Variants in PSAP observed in about 807,000 individuals in gnomAD.
PSAP encodes precursor of saposins.
PSAP carries 25 observed loss-of-function variants against 66.0 expected under a neutral mutation model. The observed-to-expected ratio is 0.38, with a 90% CI of 0.28 to 0.53. The LOEUF is 0.53. Among genes scored for constraint, PSAP ranks in the 20% least tolerant of loss-of-function variants. The pLI, the probability that PSAP is intolerant of heterozygous loss-of-function variation, is 0.83. For missense variants in PSAP, 649 were observed against 668.8 expected (o/e 0.97, Z 0.33); for synonymous variants, 273 against 258.9 (o/e 1.05, Z -0.52).
chr10:71,829,009 C>A lies in PSAP; in HGVS notation c.444G>T (p.Leu148=). The A allele has an allele frequency of 3.1e-6, 5 of 1,614,162 alleles. No homozygotes were observed. The highest frequency in any genetic ancestry group is 4.2e-6 in the Non-Finnish European group (5 of 1,180,028). The change falls in exon 5 of 14, where the codon CTG becomes CTT. Residue 148 remains leucine (L), a synonymous_variant. Coordinates refer to ENST00000394936, the MANE Select transcript of PSAP (RefSeq NM_002778.4). ...CESLQKHLAE[L]NHQKQLESNK... ...TGGACTCCAGCTGCTTCTGGTGATTCAGCTCTGCTAGGTGCTTCTGGAGAG... is the reference window on the plus strand; with the variant it reads ...TGGACTCCAGCTGCTTCTGGTGATTAAGCTCTGCTAGGTGCTTCTGGAGAG...
At position 71,831,162 on chromosome 10, in the gene PSAP, G is replaced by T; in HGVS notation, c.339C>A (p.Tyr113Ter). 1 of 1,614,082 alleles carries T rather than the reference G, an allele frequency of 6.2e-7. No individual in the cohort carries two copies. The highest frequency in any genetic ancestry group is 8.5e-7 in the Non-Finnish European group (1 of 1,179,964). The change falls in exon 4 of 14, where the codon TAC (tyrosine) becomes TAA (stop). Residue 113 changes from tyrosine to a stop codon, truncating the protein, a stop_gained. Transcript: ENST00000394936. LOFTEE classifies it high-confidence loss of function. Reference protein sequence around the residue: ...SASCKEIVDSYLPVILDIIKG... With the variant: ...SASCKEIVDS ...TAATGATGTCCAGGATGACAGGGAGGTAGGAGTCCACTATCTCCTTGCATG... is the reference window on the plus strand; with the variant it reads ...TAATGATGTCCAGGATGACAGGGAGTTAGGAGTCCACTATCTCCTTGCATG...
At chr10:71,841,421 G>T (rs1039074001) in intron 1 of PSAP, among the ~76,000 whole-genome samples, 35 of 152,306 alleles carry the variant, frequency 2.3e-4, no homozygotes, top group African/African-American at 7.7e-4. Context: ...GCTTCCTTCA[G>T]TTAGTACTTT....
chr10:71,821,560 G>C (rs1246602672), intron 8 of PSAP, among the ~76,000 whole-genome samples: 2 of 152,244 alleles, frequency 1.3e-5, no homozygotes, highest in Non-Finnish European at 2.9e-5. Flanking sequence ...GACCCAGACA[G>C]TGCATGTGAG....
chr10:71,831,834 A>G lies in PSAP; in HGVS notation c.249+12T>C. 1 of 1,613,388 alleles carries G rather than the reference A, an allele frequency of 6.2e-7. No individual in the cohort carries two copies. Among genetic ancestry groups the G allele is most frequent in the Non-Finnish European group, 8.5e-7 (1 of 1,179,776 alleles). On this transcript the variant is annotated intron_variant, in intron 3 of 13. Coordinates refer to ENST00000394936, the MANE Select transcript of PSAP (RefSeq NM_002778.4). ...CGTGGCTCAAGCACCATCCCCACTC[A>G]CCGCCGCTCACCTCAGTGGCATTGT...
intron 6 of PSAP, among the ~76,000 whole-genome samples, chr10:71,827,148 G>A (rs1448315562): frequency 1.3e-5 from 2 of 152,098 alleles, no homozygotes; most frequent in Non-Finnish European, 2.9e-5. Context: ...TGTAATCCCA[G>A]CACTTTGGGA....
In PSAP at chr10:71,821,995, T is replaced by C; in HGVS notation, c.790A>G (p.Ile264Val). Residue 264 changes from isoleucine to valine, a missense_variant, in exon 8 of 14, where the codon ATC (isoleucine) becomes GTC (valine). Transcript: ENST00000394936. ...TCACAGAACCCAACCAGCGCACAGA[T>C]CTCCTTGGGTTGCTGAAGAGAGCAC... ...QMMMHMQPKE[I>V]CALVGFCDEV... 1.2e-6 allele frequency: 2 copies of C among 1,613,972 alleles called. No homozygotes were observed. Among genetic ancestry groups the C allele is most frequent in the Non-Finnish European group, 1.7e-6 (2 of 1,179,976 alleles).
chr10:71,831,768 C>T, intron 3 of PSAP, 78 bp downstream of exon 3: 1 of 1,402,390 alleles, frequency 7.1e-7, no homozygotes, highest in Non-Finnish European at 1.0e-6. Context: ...CCTCTTTAGA[C>T]ACCCGGAATC....
At chr10:71,833,018 A>AAAAAAG (rs1267144355) in intron 2 of PSAP, among the ~76,000 whole-genome samples, 1 of 134,712 alleles carries the variant, frequency 7.4e-6, no homozygotes, top group Non-Finnish European at 1.6e-5. Context: ...GTCCATCTCA[A>AAAAAAG]AAAAAAAAAA....
chr10:71,819,774 G>A lies in PSAP; in HGVS notation c.1132C>T (p.Pro378Ser), dbSNP rs1169063655. 3 of 1,613,922 alleles carry A rather than the reference G, an allele frequency of 1.9e-6. No individual in the cohort carries two copies. Among genetic ancestry groups the A allele is most frequent in the Admixed American group, 1.7e-5 (1 of 60,000 alleles). Reference protein sequence around the residue: ...ILSILLEEVSPELVCSMLHLC... With the variant: ...ILSILLEEVSSELVCSMLHLC... ...TGCAGCATGCTGCACACCAGCTCAGGGCTGACCTCCTCCAGCAGGATGGAC... is the reference window on the plus strand; with the variant it reads ...TGCAGCATGCTGCACACCAGCTCAGAGCTGACCTCCTCCAGCAGGATGGAC... Residue 378 changes from proline to serine, a missense_variant, in exon 10 of 14, where the codon CCT becomes TCT. Pro to Ser is a moderately conservative substitution (Grantham distance 74). Coordinates refer to ENST00000394936, the MANE Select transcript of PSAP (RefSeq NM_002778.4).
In PSAP at chr10:71,816,448, G is replaced by A. The variant is rs1426659304; in HGVS notation, c.*993C>T. ...GGACAGAAGCGTGGGTGCCCAAGTG[G>A]GCCACAGACAGCTTCCAACCCCCAC... On this transcript the variant is annotated 3_prime_UTR_variant, in exon 14 of 14. Coordinates refer to ENST00000394936, the MANE Select transcript of PSAP (RefSeq NM_002778.4). The A allele has an allele frequency of 4.2e-6, 2 of 471,080 alleles. No individual in the cohort carries two copies. Among genetic ancestry groups the A allele is most frequent in the African/African-American group, 2.0e-5 (1 of 50,064 alleles). The allele number at this position is 471,080 out of a possible 1,614,324, so 29.2% of individuals were successfully genotyped here. A position where few individuals can be genotyped will look rare whatever the true frequency, so the allele number is the denominator to read the frequency against.
chr10:71,828,035 C>T lies in PSAP; in HGVS notation c.699G>A (p.Leu233=). The change falls in exon 6 of 14, where the codon CTG becomes CTA. Residue 233 remains leucine (L), a synonymous_variant. Coordinates refer to ENST00000394936, the MANE Select transcript of PSAP (RefSeq NM_002778.4). The part of the protein sequence containing the change: ...VEHVKEECDR[L]GPGMADICKN... The stretch of plus-strand genomic sequence containing the variant: ...TCACTATGTCGGCCATGCCAGGGCC[C>T]AGGCGGTCACACTCCTCCTTGACAT... 6.2e-7 allele frequency: 1 copy of T among 1,614,224 alleles called. No individual in the cohort carries two copies. The highest frequency in any genetic ancestry group is 8.5e-7 in the Non-Finnish European group (1 of 1,180,040).
At chr10:71,850,473 CG>C (rs1564829556) in intron 1 of PSAP, among the ~76,000 whole-genome samples, 1 of 152,098 alleles carries the variant, frequency 6.6e-6, no homozygotes, top group Non-Finnish European at 1.5e-5. Flanking sequence ...ACCAAACCAA[CG>C]TATTTCTTAA....
intron 2 of PSAP, among the ~76,000 whole-genome samples, chr10:71,833,366 G>GA (rs1487562714): frequency 6.6e-6 from 1 of 151,762 alleles, no homozygotes; most frequent in Non-Finnish European, 1.5e-5. Context: ...GCTGAGGTGG[G>GA]AGGATTGCTT....
intron 2 of PSAP, among the ~76,000 whole-genome samples, chr10:71,832,596 C>A (rs1367347339): frequency 6.6e-6 from 1 of 152,150 alleles, no homozygotes; most frequent in East Asian, 1.9e-4. Flanking sequence ...CCTAGTCAGG[C>A]TAATACAGTC....
chr10:71,818,223 G>A (rs1297122110), intron 13 of PSAP, among the ~76,000 whole-genome samples: 3 of 152,222 alleles, frequency 2.0e-5, no homozygotes, highest in Admixed American at 2.0e-4. Flanking sequence ...CTCGGGCCCG[G>A]CTTCAGCAAG....
chr10:71,849,861 C>G (rs551587904), intron 1 of PSAP, among the ~76,000 whole-genome samples: 16 of 152,166 alleles, frequency 1.1e-4, no homozygotes, highest in African/African-American at 3.9e-4. Flanking sequence ...AATAACTGGA[C>G]CAGAAAACCC....
intron 6 of PSAP, among the ~76,000 whole-genome samples, chr10:71,826,687 G>C (rs2133041449): frequency 6.6e-6 from 1 of 151,584 alleles, no homozygotes; most frequent in African/African-American, 2.4e-5. Flanking sequence ...GCTGCAGTGA[G>C]CTATGATTGT....
At position 71,828,169 on chromosome 10, in the gene PSAP, GC is replaced by G; in HGVS notation, c.577-13del. On this transcript the variant is annotated splice_polypyrimidine_tract_variant and intron_variant, in intron 5 of 13. Transcript: ENST00000394936. ...ACGTCCCCATTATCCTACAGAAGAG[GC>G]AGTTAGGTTTGCAACTTAAGAGGAC... 1 of 1,614,128 alleles carries G rather than the reference GC, an allele frequency of 6.2e-7. No individual in the cohort carries two copies. Among genetic ancestry groups the G allele is most frequent in the Non-Finnish European group, 8.5e-7 (1 of 1,180,004 alleles).
intron 1 of PSAP, among the ~76,000 whole-genome samples, chr10:71,835,933 C>G (rs560771430): frequency 6.6e-6 from 1 of 151,456 alleles, no homozygotes; most frequent in Non-Finnish European, 1.5e-5. Context: ...ACGTGTGTAA[C>G]ACACATAGGA....
Sources: allele counts gnomAD v4.1 joint callset (sites outside exome capture counted in the v4.1 genomes callset), GRCh38; gene constraint gnomAD v4.1.1; transcripts MANE v1.5; gene names NCBI Gene and HGNC (gene_info 2026-07-23, HGNC 2026-07-21).